The following SLC17A1 variants were observed in gnomAD, a reference collection of about 807,000 sequenced individuals.
The protein encoded by SLC17A1 is solute carrier family 17 member 1, also known as sodium-dependent phosphate transport protein 1.
Under a neutral mutation model 53.5 loss-of-function variants are expected in SLC17A1, and 51 were observed. The observed-to-expected ratio is 0.95, with a 90% CI of 0.76 to 1.20. SLC17A1 has a LOEUF of 1.20. Ranked by LOEUF, SLC17A1 falls within the 50% of genes most tolerant of loss-of-function variation. The pLI is 0.00. For missense variants in SLC17A1, 538 were observed against 568.2 expected (o/e 0.95, Z 0.54); for synonymous variants, 179 against 198.8 (o/e 0.90, Z 0.84).
intron 2 of SLC17A1, 103 bp from the exon 3 acceptor site, chr6:25,826,736 T>C (rs1764762397): frequency 5.8e-6 from 4 of 689,666 alleles, no homozygotes; most frequent in Non-Finnish European, 8.6e-6. Context: ...TAGATATTAA[T>C]TTAAAATTTT....
intron 6 of SLC17A1, among the ~76,000 whole-genome samples, chr6:25,813,877 C>T (rs959884326): frequency 6.6e-6 from 1 of 152,142 alleles, no homozygotes; most frequent in African/African-American, 2.4e-5. Context: ...AGGAGAATGG[C>T]CCCCAGCTCC....
At chr6:25,727,357 A>T in the SLC17A1 span, 2 of 1,417,472 alleles carry the variant, frequency 1.4e-6, no homozygotes, top group South Asian at 2.9e-5. Flanking sequence ...ACATACTGAA[A>T]CAGCTGTGGG....
intron 12 of SLC17A1, among the ~76,000 whole-genome samples, chr6:25,784,372 G>A (rs1763333836): frequency 6.6e-6 from 1 of 152,168 alleles, no homozygotes; most frequent in Non-Finnish European, 1.5e-5. Flanking sequence ...TGTACAAGAA[G>A]CATGATGCCA....
chr6:25,725,459 AC>A, the SLC17A1 span, among the ~76,000 whole-genome samples: 9 of 152,322 alleles, frequency 5.9e-5, no homozygotes, highest in African/African-American at 2.2e-4. Flanking sequence ...TCGTGAAACT[AC>A]CATATTTGAA....
intron 12 of SLC17A1, among the ~76,000 whole-genome samples, chr6:25,788,702 C>CA (rs1763437187): frequency 6.6e-6 from 1 of 151,814 alleles, no homozygotes; most frequent in African/African-American, 2.4e-5. Context: ...GTCAGGGAAT[C>CA]AGAGCATGGG....
chr6:25,726,866 C>T, the SLC17A1 span: 65 of 1,571,538 alleles, frequency 4.1e-5, no homozygotes, highest in Admixed American at 1.8e-4. Context: ...GCTGTGTAAC[C>T]CTGGAAAAGA....
the SLC17A1 span, chr6:25,777,609 A>C: frequency 1.4e-5 from 3 of 215,982 alleles, no homozygotes; most frequent in Non-Finnish European, 2.7e-5. Flanking sequence ...ACAACAACAA[A>C]AACCTTACAA....
chr6:25,814,883 G>T (rs1349982479), intron 6 of SLC17A1, among the ~76,000 whole-genome samples: 1 of 151,938 alleles, frequency 6.6e-6, no homozygotes, highest in Admixed American at 6.6e-5. Context: ...CTACTCAGGG[G>T]GTTGCGGCAG....
At chr6:25,762,800 T>C in the SLC17A1 span, among the ~76,000 whole-genome samples, 2 of 152,314 alleles carry the variant, frequency 1.3e-5, no homozygotes, top group South Asian at 4.1e-4. Flanking sequence ...CTAGTCACCA[T>C]TTGACCCAGA....
At chr6:25,779,505 C>T (rs912106091), downstream of SLC17A1, 3 of 235,596 alleles carry the variant, frequency 1.3e-5, no homozygotes, top group Non-Finnish European at 2.4e-5. Flanking sequence ...GGACCGAGAA[C>T]TGAGAATCAC....
intron 6 of SLC17A1, among the ~76,000 whole-genome samples, chr6:25,815,954 C>T (rs941439779): frequency 1.3e-5 from 2 of 148,170 alleles, no homozygotes; most frequent in African/African-American, 2.5e-5. Context: ...AAAGGTGAAA[C>T]GGCACAGTTA....
At chr6:25,798,480 A>G in intron 12 of SLC17A1, 1 of 240,794 alleles carries the variant, frequency 4.2e-6, no homozygotes, top group East Asian at 8.0e-5. Context: ...TCGAGTCTCC[A>G]TTTTACAACT....
chr6:25,807,036 A>G (rs2151487258), intron 10 of SLC17A1, among the ~76,000 whole-genome samples: 1 of 152,102 alleles, frequency 6.6e-6, no homozygotes, highest in African/African-American at 2.4e-5. Context: ...ATAGACATTG[A>G]TGTGGATGTG....
At chr6:25,730,191 A>G in the SLC17A1 span, among the ~76,000 whole-genome samples, 3 of 152,316 alleles carry the variant, frequency 2.0e-5, no homozygotes, top group South Asian at 6.2e-4. Flanking sequence ...TCAGTTTCTC[A>G]AAGAGATATC....
the SLC17A1 span, among the ~76,000 whole-genome samples, chr6:25,725,761 C>G: frequency 6.6e-6 from 1 of 152,140 alleles, no homozygotes; most frequent in Non-Finnish European, 1.5e-5. Flanking sequence ...TCACCAGACC[C>G]AGCTAGTTTC....
At chr6:25,777,665 G>T in the SLC17A1 span, 1 of 343,826 alleles carries the variant, frequency 2.9e-6, no homozygotes, top group Non-Finnish European at 5.3e-6. Flanking sequence ...AAACAATGTT[G>T]ACAAGTTAAT....
intron 6 of SLC17A1, among the ~76,000 whole-genome samples, chr6:25,813,432 C>G (rs1327562942): frequency 6.6e-6 from 1 of 152,178 alleles, no homozygotes; most frequent in East Asian, 1.9e-4. Flanking sequence ...GATCTCCTAT[C>G]CTCTGCTCCC....
chr6:25,747,349 G>GT, the SLC17A1 span, among the ~76,000 whole-genome samples: 1 of 152,200 alleles, frequency 6.6e-6, no homozygotes, highest in Non-Finnish European at 1.5e-5. Flanking sequence ...TTTCCACAAT[G>GT]TAAGAGCTAG....
the SLC17A1 span, chr6:25,773,415 A>C: frequency 6.2e-7 from 1 of 1,612,554 alleles, no homozygotes; most frequent in South Asian, 1.1e-5. Flanking sequence ...AACTCCTCTG[A>C]CATTTCTCTA....
Sources: allele counts gnomAD v4.1 joint callset (sites outside exome capture counted in the v4.1 genomes callset), GRCh38; gene constraint gnomAD v4.1.1; transcripts MANE v1.5; gene names NCBI Gene and HGNC (gene_info 2026-07-23, HGNC 2026-07-21).